The following BTBD7 variants were observed in gnomAD, a reference collection of about 807,000 sequenced individuals.
BTBD7 encodes the protein BTB domain containing 7.
A neutral mutation model predicts 99.9 loss-of-function variants in BTBD7; 38 were observed. That is an observed-to-expected ratio of 0.38 (90% CI 0.29 to 0.50). BTBD7 has a LOEUF of 0.50. BTBD7 is among the 20% of genes least tolerant of loss of function. The pLI, the probability that BTBD7 is intolerant of heterozygous loss-of-function variation, is 0.93. For synonymous variants in BTBD7, 520 were observed against 511.4 expected, an observed-to-expected ratio of 1.02 and a Z score of -0.23; for missense variants, 1,170 against 1,394.6, an observed-to-expected ratio of 0.84 and a Z score of 2.57.
At chr14:93,329,430 G>C (rs188375338) in intron 1 of BTBD7, among the ~76,000 whole-genome samples, 34 of 152,178 alleles carry the variant, frequency 2.2e-4, no homozygotes, top group African/African-American at 7.7e-4. Flanking sequence ...CTGCTGGTGG[G>C]GTTGTAAAAT....
At position 93,261,624 on chromosome 14, in the gene BTBD7, C is replaced by A. The variant is rs1036049021; in HGVS notation, c.1425G>T (p.Leu475Phe). The A allele has an allele frequency of 6.2e-7, 1 of 1,612,120 alleles. No homozygotes were observed. The highest frequency in any genetic ancestry group is 1.3e-5 in the African/African-American group (1 of 75,018). Residue 475 changes from leucine to phenylalanine, a missense_variant, in exon 5 of 11, where the codon TTG (leucine) becomes TTT (phenylalanine). Coordinates refer to ENST00000334746, the MANE Select transcript of BTBD7 (RefSeq NM_001002860.4). Reference protein sequence around the residue: ...KYLIKWGEHQLMKRIADREPN... With the variant: ...KYLIKWGEHQFMKRIADREPN... ...TACCTCTATCTGCTATTCTTTTCAT[C>A]AACTGATGCTCTCCCCATTTAATCA...
At chr14:93,312,269 T>G (rs937309599) in intron 1 of BTBD7, among the ~76,000 whole-genome samples, 2 of 152,188 alleles carry the variant, frequency 1.3e-5, no homozygotes, top group African/African-American at 4.8e-5. Flanking sequence ...ACTTTACCTA[T>G]AGAGTGGTTA....
chr14:93,256,990 C>G, intron 6 of BTBD7: 1 of 527,678 alleles, frequency 1.9e-6, no homozygotes, highest in South Asian at 3.4e-5. Flanking sequence ...TTTACCCACT[C>G]AACTCTCATT....
At chr14:93,279,767 A>G (rs913602347) in intron 3 of BTBD7, among the ~76,000 whole-genome samples, 9 of 152,078 alleles carry the variant, frequency 5.9e-5, no homozygotes, top group African/African-American at 2.2e-4. Context: ...AGACTGATGG[A>G]CTATCATTTT....
At chr14:93,244,936 A>C (rs550051205) in intron 10 of BTBD7, among the ~76,000 whole-genome samples, 6 of 142,946 alleles carry the variant, frequency 4.2e-5, no homozygotes, top group Non-Finnish European at 8.9e-5. Context: ...AGCTCACTGC[A>C]GCCTCAACAA....
At chr14:93,316,267 A>G (rs1348330810) in intron 1 of BTBD7, among the ~76,000 whole-genome samples, 2 of 110,150 alleles carry the variant, frequency 1.8e-5, no homozygotes, top group African/African-American at 9.0e-5. Flanking sequence ...TTTTTTTTTA[A>G]TTTTTTTTAA....
chr14:93,264,100 A>C, intron 3 of BTBD7, 107 bp from the exon 4 acceptor site: 22 of 941,208 alleles, frequency 2.3e-5, no homozygotes, highest in Non-Finnish European at 3.2e-5. Context: ...AAAAGAACTC[A>C]AGGAGATAAA....
intron 3 of BTBD7, among the ~76,000 whole-genome samples, chr14:93,268,804 G>A (rs2052570956): frequency 1.4e-5 from 2 of 146,940 alleles, no homozygotes; most frequent in African/African-American, 5.1e-5. Context: ...AGCCGCCCAG[G>A]CTGGAGTGCA....
chr14:93,285,022 C>T (rs1282785142), intron 3 of BTBD7, among the ~76,000 whole-genome samples: 1 of 151,902 alleles, frequency 6.6e-6, no homozygotes, highest in Non-Finnish European at 1.5e-5. Context: ...TGTTTGAAAC[C>T]TGCATTTACT....
chr14:93,285,025 C>A (rs1036414702), intron 3 of BTBD7, among the ~76,000 whole-genome samples: 7 of 152,120 alleles, frequency 4.6e-5, no homozygotes, highest in African/African-American at 1.7e-4. Flanking sequence ...TTGAAACCTG[C>A]ATTTACTACT....
chr14:93,240,633 C>T lies in BTBD7; in HGVS notation c.*1640G>A, dbSNP rs2052214759. 6.6e-6 allele frequency: 1 copy of T among 152,648 alleles called. No homozygotes were observed. The highest frequency in any genetic ancestry group is 1.5e-5 in the Non-Finnish European group (1 of 68,030). The allele number at this position is 152,648 out of a possible 1,614,324, so 9.5% of individuals were successfully genotyped here. ...AAAGCCTCTTTTCTTCTAAGTGCTA[C>T]GGCTGTGTGTTTATGTGTTTGTAAA... On this transcript the variant is annotated 3_prime_UTR_variant, in exon 11 of 11. Coordinates refer to ENST00000334746, the MANE Select transcript of BTBD7 (RefSeq NM_001002860.4).
At chr14:93,274,625 A>G (rs537969593) in intron 3 of BTBD7, among the ~76,000 whole-genome samples, 3 of 152,308 alleles carry the variant, frequency 2.0e-5, no homozygotes, top group Admixed American at 2.0e-4. Flanking sequence ...AGCTCAGAAC[A>G]CATGCTTGTA....
chr14:93,311,122 T>TCCTTA lies in BTBD7; in HGVS notation c.-106-14966_-106-14965insTAAGG, dbSNP rs1294731894. 2.0e-5 allele frequency among the ~76,000 whole-genome samples: 3 copies of TCCTTA among 152,222 alleles called. No homozygotes were observed. The East Asian group carries it at 5.8e-4, about 29-fold the overall frequency. On this transcript the variant is annotated intron_variant, in intron 1 of 10. Transcript: ENST00000334746. ...TCCTAGCATCCTTAAAGACAATCAG[T>TCCTTA]GAGTTTTAAAAAGTTATGAATTAAT...
At chr14:93,301,667 C>CA (rs992480969) in intron 1 of BTBD7, among the ~76,000 whole-genome samples, 3 of 151,878 alleles carry the variant, frequency 2.0e-5, no homozygotes, top group Non-Finnish European at 4.4e-5. Context: ...CTAGCCTGGG[C>CA]AAAAGAGTGA....
At chr14:93,293,210 A>G (rs552940997) in intron 3 of BTBD7, among the ~76,000 whole-genome samples, 1 of 152,204 alleles carries the variant, frequency 6.6e-6, no homozygotes, top group Non-Finnish European at 1.5e-5. Context: ...AACTTTCATG[A>G]ATTTGTTTGC....
rs989393404 is a variant in BTBD7 at position 93,238,436 on chromosome 14, T to G, written c.*3837A>C. ...TAGTAAGATTATCTGTAATGAGGTT[T>G]GAAAGTAAATCACTTAGTAGACAAA... On this transcript the variant is annotated 3_prime_UTR_variant, in exon 11 of 11. Coordinates refer to ENST00000334746, the MANE Select transcript of BTBD7 (RefSeq NM_001002860.4). 1 of 152,604 alleles carries G rather than the reference T, an allele frequency of 6.6e-6. No individual in the cohort carries two copies. Among genetic ancestry groups the G allele is most frequent in the Non-Finnish European group, 1.5e-5 (1 of 68,042 alleles). 9.5% of individuals were successfully genotyped at this position (152,604 alleles called of 1,614,324 possible). A position where few individuals can be genotyped will look rare whatever the true frequency, so the allele number is the denominator to read the frequency against.
At chr14:93,251,344 G>T in intron 8 of BTBD7, 119 bp downstream of exon 8, 2 of 1,091,638 alleles carry the variant, frequency 1.8e-6, no homozygotes, top group Non-Finnish European at 2.5e-6. Flanking sequence ...GGAGAACAAG[G>T]CATAAAAAGT....
At chr14:93,256,974 G>T in intron 6 of BTBD7, 1 of 505,344 alleles carries the variant, frequency 2.0e-6, no homozygotes, top group Non-Finnish European at 3.5e-6. Context: ...GCATGAGTAA[G>T]ACCTATTTAC....
In BTBD7 at chr14:93,241,406, G is replaced by A. The variant is rs73340064; in HGVS notation, c.*867C>T. 0.083 allele frequency: 12,591 copies of A among 152,406 alleles called. 556 individuals are homozygous for A. Among genetic ancestry groups the A allele is most frequent in the Middle Eastern group, 0.12 (36 of 294 alleles). The allele number at this position is 152,406 out of a possible 1,614,324, so 9.4% of individuals were successfully genotyped here. ...GAGCTTCAGTGATCTGCCCGCCTCG[G>A]CCTTCCGAAGTGCCGATCACAGGTG... On this transcript the variant is annotated 3_prime_UTR_variant, in exon 11 of 11. Coordinates refer to ENST00000334746, the MANE Select transcript of BTBD7 (RefSeq NM_001002860.4).
Sources: gnomAD v4.1 joint callset for allele counts (sites outside exome capture counted in the v4.1 genomes callset) on GRCh38, gnomAD v4.1.1 for gene constraint, MANE v1.5 for transcripts, NCBI Gene and HGNC (gene_info 2026-07-23, HGNC 2026-07-21) for gene names.